CTNNA2: variants seen among roughly 807,000 people sequenced by gnomAD.
CTNNA2 encodes the protein catenin alpha 2, also known as catenin alpha-2.
CTNNA2 carries 42 observed loss-of-function variants against 101.0 expected under a neutral mutation model. The ratio of observed to expected loss-of-function variants is 0.42; its 90% confidence interval spans 0.32 to 0.54. CTNNA2 has a LOEUF of 0.54. Ranked by LOEUF, CTNNA2 falls within the 20% of genes least tolerant of loss-of-function variation. CTNNA2 has a pLI of 0.14. For missense variants in CTNNA2, 871 were observed against 1,223.1 expected (o/e 0.71, Z 4.29); for synonymous variants, 450 against 456.4 (o/e 0.99, Z 0.18).
intron 11 of CTNNA2, among the ~76,000 whole-genome samples, chr2:80,548,461 A>G (rs962059155): frequency 1.3e-5 from 2 of 152,136 alleles, no homozygotes; most frequent in African/African-American, 2.4e-5. Context: ...AGCTTTTGCT[A>G]ATTTTCCTCC....
At chr2:79,510,112 A>G (rs1671503182), upstream of CTNNA2, among the ~76,000 whole-genome samples, 1 of 152,210 alleles carries the variant, frequency 6.6e-6, no homozygotes, top group African/African-American at 2.4e-5. Flanking sequence ...ATTGCACATT[A>G]AATTGTATTA....
At chr2:79,207,875 AAGAT>A (rs1354923476) in intron 2 of CTNNA2, among the ~76,000 whole-genome samples, 1 of 152,204 alleles carries the variant, frequency 6.6e-6, no homozygotes, top group Non-Finnish European at 1.5e-5. Context: ...CTTGTTTTGC[AAGAT>A]TTTCCTTTGG....
intron 7 of CTNNA2, among the ~76,000 whole-genome samples, chr2:80,209,735 T>G (rs1707769588): frequency 1.3e-5 from 2 of 152,288 alleles, no homozygotes; most frequent in East Asian, 3.9e-4. Flanking sequence ...ATTCTGATGC[T>G]CTGCTGTACC....
In CTNNA2 at chr2:80,386,312, C is replaced by T. The variant is rs117220001; in HGVS notation, c.1057-6899C>T. Among the ~76,000 whole-genome samples, 95 of 152,196 alleles carry T rather than the reference C, an allele frequency of 6.2e-4. No homozygotes were observed. In the East Asian group the frequency reaches 0.016, roughly 26 times the overall value. On this transcript the variant is annotated intron_variant, in intron 7 of 18. Transcript: ENST00000402739. ...ATAGATTTGCTTTGTGGCCACTGTT[C>T]AACTTTCATCCATTCTAAAGAGATA...
At chr2:80,238,986 G>A (rs1487582654) in intron 7 of CTNNA2, among the ~76,000 whole-genome samples, 2 of 152,282 alleles carry the variant, frequency 1.3e-5, no homozygotes, top group East Asian at 3.9e-4. Flanking sequence ...AAGAGGGGGC[G>A]TAAAATATTT....
chr2:79,255,808 A>G (rs1254085746), intron 2 of CTNNA2, among the ~76,000 whole-genome samples: 1 of 152,186 alleles, frequency 6.6e-6, no homozygotes, highest in East Asian at 1.9e-4. Context: ...ACAATTGATA[A>G]CGTTCACATA....
At chr2:79,685,854 C>G (rs1394110900) in intron 2 of CTNNA2, among the ~76,000 whole-genome samples, 1 of 152,058 alleles carries the variant, frequency 6.6e-6, no homozygotes, top group Non-Finnish European at 1.5e-5. Context: ...CCTTGCAGTT[C>G]CAAAGAGGAT....
At chr2:79,297,021 C>T (rs934513) in intron 2 of CTNNA2, among the ~76,000 whole-genome samples, 3,413 of 152,110 alleles carry the variant, frequency 0.022, 38 homozygotes, top group Non-Finnish European at 0.032. Flanking sequence ...TCATATCATT[C>T]AACCATTTCT....
chr2:80,052,201 A>T (rs1188752426), intron 7 of CTNNA2, among the ~76,000 whole-genome samples: 1 of 152,222 alleles, frequency 6.6e-6, no homozygotes, highest in East Asian at 1.9e-4. Context: ...GTGGACATTT[A>T]TCCCAAACTC....
At chr2:79,961,559 A>G (rs1159306539) in intron 7 of CTNNA2, among the ~76,000 whole-genome samples, 6 of 152,088 alleles carry the variant, frequency 3.9e-5, no homozygotes, top group Non-Finnish European at 8.8e-5. Context: ...GTGGTGGCTC[A>G]CGCCTGTAAT....
At chr2:80,066,837 A>C (rs1335765236) in intron 7 of CTNNA2, among the ~76,000 whole-genome samples, 6 of 152,236 alleles carry the variant, frequency 3.9e-5, no homozygotes, top group African/African-American at 1.4e-4. Flanking sequence ...AATCAACCTC[A>C]GTGTTCATCA....
intron 3 of CTNNA2, among the ~76,000 whole-genome samples, chr2:79,827,093 C>T (rs1354990795): frequency 6.6e-6 from 1 of 152,104 alleles, no homozygotes; most frequent in East Asian, 1.9e-4. Context: ...GGCTGGAGTG[C>T]AGTGGCATGA....
chr2:79,393,472 A>G (rs1438998056), intron 4 of CTNNA2, among the ~76,000 whole-genome samples: 1 of 152,082 alleles, frequency 6.6e-6, no homozygotes. Context: ...GGCAGAATTG[A>G]GTCGTTGTGG....
At chr2:79,466,873 C>A (rs1670942745) in intron 4 of CTNNA2, among the ~76,000 whole-genome samples, 1 of 152,220 alleles carries the variant, frequency 6.6e-6, no homozygotes, top group South Asian at 2.1e-4. Context: ...AAAACCCCAT[C>A]TGTACGACAC....
chr2:80,390,369 T>G (rs1453029097), intron 7 of CTNNA2, among the ~76,000 whole-genome samples: 1 of 152,222 alleles, frequency 6.6e-6, no homozygotes, highest in Admixed American at 6.5e-5. Flanking sequence ...GTGAGAATTG[T>G]GGCTATCACT....
At chr2:79,894,265 T>G (rs1684538635) in intron 6 of CTNNA2, among the ~76,000 whole-genome samples, 1 of 152,114 alleles carries the variant, frequency 6.6e-6, no homozygotes, top group African/African-American at 2.4e-5. Flanking sequence ...TCATGAACAC[T>G]GGCTAATCAG....
intron 7 of CTNNA2, among the ~76,000 whole-genome samples, chr2:80,201,248 A>G (rs1190802012): frequency 6.6e-6 from 1 of 151,940 alleles, no homozygotes; most frequent in African/African-American, 2.4e-5. Context: ...CCATGGGTGT[A>G]TAACTCACAG....
chr2:80,020,376 T>C (rs982806248), intron 7 of CTNNA2, among the ~76,000 whole-genome samples: 1 of 152,120 alleles, frequency 6.6e-6, no homozygotes, highest in Non-Finnish European at 1.5e-5. Context: ...AAATAAACAG[T>C]GTATGATCTA....
At chr2:79,573,058 T>C (rs1163432081) in intron 1 of CTNNA2, among the ~76,000 whole-genome samples, 1 of 152,204 alleles carries the variant, frequency 6.6e-6, no homozygotes, top group Non-Finnish European at 1.5e-5. Flanking sequence ...GGCATTTCCT[T>C]GCCTTTTGTT....
Sources: gnomAD v4.1 joint callset for allele counts (sites outside exome capture counted in the v4.1 genomes callset) on GRCh38, gnomAD v4.1.1 for gene constraint, MANE v1.5 for transcripts, NCBI Gene and HGNC (gene_info 2026-07-23, HGNC 2026-07-21) for gene names.